The following ADORA2B variants were observed in gnomAD, a reference collection of about 807,000 sequenced individuals.
ADORA2B encodes adenosine receptor A2b.
In ADORA2B, 18 loss-of-function variants were observed where a neutral mutation model predicts 20.8. The ratio of observed to expected loss-of-function variants is 0.87; its 90% CI spans 0.60 to 1.29. ADORA2B has a LOEUF of 1.29. Among genes scored for constraint, ADORA2B ranks in the 50% most tolerant of loss-of-function variants. The pLI, the probability that ADORA2B is intolerant of heterozygous loss-of-function variation, is 0.00. For missense variants in ADORA2B, 441 were observed against 422.7 expected, an observed-to-expected ratio of 1.04 and a Z score of -0.38; for synonymous variants, 179 against 178.3, an observed-to-expected ratio of 1.00 and a Z score of -0.03.
chr17:15,975,367 G>C lies in ADORA2B; in HGVS notation c.*25G>C. 6.3e-7 allele frequency: 1 copy of C among 1,591,480 alleles called. No individual in the cohort carries two copies. Among genetic ancestry groups the C allele is most frequent in the Non-Finnish European group, 8.5e-7 (1 of 1,170,868 alleles). On this transcript the variant is annotated 3_prime_UTR_variant, in exon 2 of 2. Coordinates refer to ENST00000304222, the MANE Select transcript of ADORA2B (RefSeq NM_000676.4). ...ATCTAGGCTCTCGCCTCTTCCAGGA[G>C]AAGATACAAATCCACAAGAAACAAA...
chr17:15,861,928 C>T, the ADORA2B span, among the ~76,000 whole-genome samples: 5 of 152,192 alleles, frequency 3.3e-5, no homozygotes, highest in Admixed American at 2.0e-4. Flanking sequence ...TCTAGATGCT[C>T]CACTACTTAG....
chr17:15,935,434 G>A, the ADORA2B span, among the ~76,000 whole-genome samples: 1 of 152,064 alleles, frequency 6.6e-6, no homozygotes, highest in Non-Finnish European at 1.5e-5. Context: ...CTTATTGAGG[G>A]TTCCTTGTAC....
At chr17:15,971,328 C>A (rs73978572) in intron 1 of ADORA2B, among the ~76,000 whole-genome samples, 16,551 of 152,190 alleles carry the variant, frequency 0.11, 1,506 homozygotes, top group African/African-American at 0.25. Flanking sequence ...GCTTTACATT[C>A]CTGAATGAGG....
chr17:15,871,266 C>T, the ADORA2B span, among the ~76,000 whole-genome samples: 2 of 152,224 alleles, frequency 1.3e-5, no homozygotes, highest in East Asian at 1.9e-4. Context: ...GACGCGTTCT[C>T]CCACTTTAAT....
intron 1 of ADORA2B, among the ~76,000 whole-genome samples, chr17:15,971,876 G>A (rs1461250450): frequency 2.0e-5 from 3 of 151,990 alleles, no homozygotes; most frequent in East Asian, 1.9e-4. Context: ...CAAGTGATCC[G>A]CCTGCCTCGG....
the ADORA2B span, among the ~76,000 whole-genome samples, chr17:15,894,907 A>G: frequency 6.6e-6 from 1 of 152,158 alleles, no homozygotes; most frequent in African/African-American, 2.4e-5. Context: ...AAGCAGAATC[A>G]GTAGGATACT....
At chr17:15,876,744 T>C in the ADORA2B span, among the ~76,000 whole-genome samples, 12 of 152,228 alleles carry the variant, frequency 7.9e-5, no homozygotes, top group African/African-American at 2.6e-4. Flanking sequence ...ATCACTTCAG[T>C]TTTCTTACTT....
the ADORA2B span, among the ~76,000 whole-genome samples, chr17:15,926,298 G>C: frequency 1.3e-5 from 2 of 151,894 alleles, no homozygotes; most frequent in Non-Finnish European, 2.9e-5. Context: ...ACGCAGACAA[G>C]AAACAGCCCA....
the ADORA2B span, among the ~76,000 whole-genome samples, chr17:15,869,668 G>A: frequency 2.3e-4 from 35 of 152,162 alleles, no homozygotes; most frequent in African/African-American, 2.7e-4. Context: ...GGCCTCTTGA[G>A]CTGGGCACAA....
chr17:15,883,392 A>C, the ADORA2B span, among the ~76,000 whole-genome samples: 2 of 152,358 alleles, frequency 1.3e-5, no homozygotes, highest in East Asian at 1.9e-4. Flanking sequence ...GTCTCTCCAC[A>C]TAGGCCAGGA....
In ADORA2B at chr17:15,975,167, C is replaced by G. The variant is rs367882605; in HGVS notation, c.824C>G (p.Ala275Gly). ...KNKPKWAMNM[A>G]ILLSHANSVV... ...AAGCCCAAGTGGGCAATGAATATGG[C>G]CATTCTTCTGTCACATGCCAATTCA... Residue 275 changes from alanine to glycine, a missense_variant, in exon 2 of 2, where the codon GCC (alanine) becomes GGC (glycine). Ala to Gly is a moderately conservative substitution (Grantham distance 60). Transcript: ENST00000304222. 1.2e-6 allele frequency: 2 copies of G among 1,614,168 alleles called. No homozygotes were observed. Among genetic ancestry groups the G allele is most frequent in the Non-Finnish European group, 1.7e-6 (2 of 1,180,034 alleles).
rs1373818549 is a variant in ADORA2B at position 15,975,622 on chromosome 17, T to G, written c.*280T>G. 7.2e-6 allele frequency: 3 copies of G among 416,528 alleles called. No homozygotes were observed. In the East Asian group the frequency reaches 1.2e-4, roughly 17 times the overall value. The allele number at this position is 416,528 out of a possible 1,614,324, so 25.8% of individuals were successfully genotyped here. On this transcript the variant is annotated 3_prime_UTR_variant, in exon 2 of 2. Coordinates refer to ENST00000304222, the MANE Select transcript of ADORA2B (RefSeq NM_000676.4). ...ACAGACTCTTTTGTTTTTAAAAGTC[T>G]GCCTTGTTTATGGTGGAAAATTACT...
upstream of ADORA2B, chr17:15,945,092 C>T (rs536804422): frequency 3.6e-6 from 2 of 563,008 alleles, no homozygotes; most frequent in Non-Finnish European, 5.2e-6. Flanking sequence ...GGCCCCGACC[C>T]GTGGGTCCCG....
the ADORA2B span, among the ~76,000 whole-genome samples, chr17:15,933,381 G>A: frequency 1.4e-4 from 21 of 152,186 alleles, no homozygotes; most frequent in African/African-American, 4.8e-4. Context: ...GATCAATTTC[G>A]GTAGCATTGC....
the ADORA2B span, among the ~76,000 whole-genome samples, chr17:15,863,569 G>A: frequency 2.0e-5 from 3 of 151,988 alleles, no homozygotes; most frequent in East Asian, 3.9e-4. Context: ...TCTCAGGCTG[G>A]TTTCAAGCTC....
the ADORA2B span, among the ~76,000 whole-genome samples, chr17:15,919,818 G>C: frequency 1.1e-4 from 17 of 152,154 alleles, no homozygotes; most frequent in Non-Finnish European, 2.1e-4. Context: ...GGATGGAAAA[G>C]ACCCACTTTC....
chr17:15,883,655 A>G, the ADORA2B span, among the ~76,000 whole-genome samples: 90 of 152,346 alleles, frequency 5.9e-4, no homozygotes, highest in East Asian at 0.015. Flanking sequence ...CACATGCCGT[A>G]TGGTAGAGGG....
At chr17:15,947,203 C>T (rs1461046037) in intron 1 of ADORA2B, among the ~76,000 whole-genome samples, 1 of 152,190 alleles carries the variant, frequency 6.6e-6, no homozygotes, top group Non-Finnish European at 1.5e-5. Flanking sequence ...GGATCCCTTC[C>T]CTGCCTTTTG....
intron 1 of ADORA2B, among the ~76,000 whole-genome samples, chr17:15,969,622 A>G (rs1167130950): frequency 1.3e-5 from 2 of 152,310 alleles, no homozygotes; most frequent in East Asian, 3.9e-4. Flanking sequence ...ACCCTAAGGA[A>G]TCATCCTCCA....
Sources: gnomAD v4.1 joint callset for allele counts (sites outside exome capture counted in the v4.1 genomes callset) on GRCh38, gnomAD v4.1.1 for gene constraint, MANE v1.5 for transcripts, NCBI Gene and HGNC (gene_info 2026-07-23, HGNC 2026-07-21) for gene names.